SYNPR: variants seen among roughly 807,000 people sequenced by gnomAD.
SYNPR encodes synaptoporin.
Under a neutral mutation model 32.9 loss-of-function variants are expected in SYNPR, and 23 were observed. The ratio of observed to expected loss-of-function variants is 0.70; its 90% CI spans 0.50 to 0.99. The LOEUF (loss-of-function observed/expected upper bound fraction) is 0.99, where lower values mean the gene tolerates loss of function less well. Ranked by LOEUF, SYNPR falls within the 50% of genes least tolerant of loss-of-function variation. SYNPR has a pLI of 0.00. For synonymous variants in SYNPR, 146 were observed against 135.9 expected (o/e 1.07, Z -0.52); for missense variants, 318 against 349.3 (o/e 0.91, Z 0.71).
the SYNPR span, among the ~76,000 whole-genome samples, chr3:63,208,810 A>G: frequency 2.6e-5 from 4 of 152,164 alleles, no homozygotes; most frequent in South Asian, 8.3e-4. Flanking sequence ...CAAGATTGGC[A>G]TAGCCGGTTA....
intron 2 of SYNPR, among the ~76,000 whole-genome samples, chr3:63,422,414 A>G (rs1356269797): frequency 1.3e-5 from 2 of 152,204 alleles, no homozygotes; most frequent in African/African-American, 4.8e-5. Flanking sequence ...CAGCGCATTG[A>G]GTGAATAAAA....
intron 4 of SYNPR, among the ~76,000 whole-genome samples, chr3:63,569,879 G>A (rs57854852): frequency 6.6e-6 from 1 of 152,132 alleles, no homozygotes; most frequent in African/African-American, 2.4e-5. Context: ...CCGCAGTTCT[G>A]TATGTGGCAA....
At chr3:63,397,029 G>T (rs948777196) in intron 2 of SYNPR, among the ~76,000 whole-genome samples, 1 of 151,196 alleles carries the variant, frequency 6.6e-6, no homozygotes, top group Non-Finnish European at 1.5e-5. Flanking sequence ...GCGTGAACCC[G>T]GGAGGCGGAG....
Position 63,415,620 on chromosome 3 carries a change from G to A in SYNPR, c.85-65212G>A, listed in dbSNP as rs148166204. Among the ~76,000 whole-genome samples, 607 of 152,140 alleles carry A rather than the reference G, an allele frequency of 4.0e-3. 5 individuals are homozygous for A. The highest frequency in any genetic ancestry group is 0.014 in the African/African-American group (574 of 41,508). On this transcript the variant is annotated intron_variant, in intron 2 of 5. Transcript: ENST00000478300. ...AGACAATATGTAACCAAATCAACGC[G>A]GCTGTTTTCCAATAAAAATTCAAGA...
chr3:63,287,979 C>T (rs1462955290), intron 2 of SYNPR, among the ~76,000 whole-genome samples: 2 of 152,142 alleles, frequency 1.3e-5, no homozygotes, highest in African/African-American at 2.4e-5. Flanking sequence ...AGCAAGAGTG[C>T]CACTATTATT....
intron 1 of SYNPR, among the ~76,000 whole-genome samples, chr3:63,237,307 T>A (rs2086207284): frequency 6.6e-6 from 1 of 152,152 alleles, no homozygotes; most frequent in Non-Finnish European, 1.5e-5. Context: ...GTTTACTGAT[T>A]CTATCCTCTG....
At chr3:63,390,168 G>C (rs1476745038) in intron 2 of SYNPR, among the ~76,000 whole-genome samples, 1 of 152,150 alleles carries the variant, frequency 6.6e-6, no homozygotes, top group East Asian at 1.9e-4. Flanking sequence ...AAATCATTCT[G>C]TCTCTAAGGA....
At chr3:63,288,067 T>C (rs2086702852) in intron 2 of SYNPR, among the ~76,000 whole-genome samples, 1 of 152,296 alleles carries the variant, frequency 6.6e-6, no homozygotes, top group South Asian at 2.1e-4. Flanking sequence ...ATTATTCTTA[T>C]CTAATGTCCT....
intron 2 of SYNPR, among the ~76,000 whole-genome samples, chr3:63,357,691 A>G (rs1409855771): frequency 6.6e-6 from 1 of 152,190 alleles, no homozygotes; most frequent in Non-Finnish European, 1.5e-5. Context: ...AAGTGTGTAC[A>G]TGAATCACCT....
chr3:63,255,472 G>A (rs768618308), intron 2 of SYNPR, among the ~76,000 whole-genome samples: 11 of 152,154 alleles, frequency 7.2e-5, no homozygotes, highest in Non-Finnish European at 1.5e-4. Flanking sequence ...ATGCTGTGAA[G>A]GAAAAAAGGC....
intron 5 of SYNPR, among the ~76,000 whole-genome samples, chr3:63,613,870 G>A (rs1347570467): frequency 6.6e-6 from 1 of 152,038 alleles, no homozygotes; most frequent in Admixed American, 6.6e-5. Context: ...CAGGTAGCAG[G>A]GCAAGAAAGT....
chr3:63,578,585 A>G (rs1703033725), intron 4 of SYNPR, among the ~76,000 whole-genome samples: 1 of 152,140 alleles, frequency 6.6e-6, no homozygotes, highest in Admixed American at 6.6e-5. Flanking sequence ...GGGCTCTCAA[A>G]GACAACTTTC....
At chr3:63,600,236 C>T (rs777729056) in intron 4 of SYNPR, among the ~76,000 whole-genome samples, 2 of 152,176 alleles carry the variant, frequency 1.3e-5, no homozygotes, top group Non-Finnish European at 2.9e-5. Flanking sequence ...TCAGTAAATA[C>T]GGACAGCAGC....
chr3:63,279,543 A>AT (rs1354412134), intron 2 of SYNPR, among the ~76,000 whole-genome samples: 20 of 152,330 alleles, frequency 1.3e-4, no homozygotes, highest in Admixed American at 9.1e-4. Flanking sequence ...CCACAGAGCC[A>AT]TGTCAGTGTT....
At position 63,518,931 on chromosome 3, in the gene SYNPR, G is replaced by A. The variant is rs186171580; in HGVS notation, c.210-37612G>A. ...GCAAAGATATGGAGCCAACATAAAC[G>A]TCCTTCAATACCTAGTTTGTTGAGG... On this transcript the variant is annotated intron_variant, in intron 3 of 5. Coordinates refer to ENST00000478300, the MANE Select transcript of SYNPR (RefSeq NM_001130003.2). 9.9e-5 allele frequency among the ~76,000 whole-genome samples: 15 copies of A among 152,252 alleles called. No individual in the cohort carries two copies. The East Asian group carries it at 2.1e-3, about 22-fold the overall frequency.
At chr3:63,289,104 C>T (rs2086714298) in intron 2 of SYNPR, among the ~76,000 whole-genome samples, 1 of 151,620 alleles carries the variant, frequency 6.6e-6, no homozygotes, top group South Asian at 2.1e-4. Flanking sequence ...CTGGTCTATA[C>T]CAAGATTCTC....
chr3:63,581,338 G>A (rs982674114), intron 4 of SYNPR, among the ~76,000 whole-genome samples: 4 of 152,148 alleles, frequency 2.6e-5, no homozygotes, highest in African/African-American at 9.7e-5. Flanking sequence ...GGGGTAGGTG[G>A]TTGTAGCACT....
the SYNPR span, among the ~76,000 whole-genome samples, chr3:63,203,041 AAT>A: frequency 0.022 from 2,371 of 106,378 alleles, 50 homozygotes; most frequent in Non-Finnish European, 0.034. Flanking sequence ...TTTAATTATA[AAT>A]ATAAATACAT....
chr3:63,548,074 T>C (rs1046535433), intron 3 of SYNPR, among the ~76,000 whole-genome samples: 1 of 152,194 alleles, frequency 6.6e-6, no homozygotes, highest in Admixed American at 6.5e-5. Context: ...TTTGTCTTTT[T>C]CAACCTTCCA....
Sources: allele counts gnomAD v4.1 joint callset (sites outside exome capture counted in the v4.1 genomes callset), GRCh38; gene constraint gnomAD v4.1.1; transcripts MANE v1.5; gene names NCBI Gene and HGNC (gene_info 2026-07-23, HGNC 2026-07-21).